The following SLC5A11 variants were observed in gnomAD, a reference collection of about 807,000 sequenced individuals.
SLC5A11 encodes sodium/myo-inositol cotransporter 2.
SLC5A11 carries 48 observed loss-of-function variants against 69.8 expected under a neutral mutation model. That is an observed-to-expected ratio of 0.69 (90% CI 0.55 to 0.87). SLC5A11 has a LOEUF of 0.87. Ranked by LOEUF, SLC5A11 falls within the 40% of genes least tolerant of loss-of-function variation. SLC5A11 has a pLI of 0.00. For synonymous variants in SLC5A11, 319 were observed against 342.4 expected, an observed-to-expected ratio of 0.93 and a Z score of 0.75; for missense variants, 784 against 866.1, an observed-to-expected ratio of 0.91 and a Z score of 1.19.
intron 1 of SLC5A11, among the ~76,000 whole-genome samples, chr16:24,848,158 C>T (rs748084426): frequency 1.1e-4 from 17 of 152,100 alleles, no homozygotes; most frequent in Non-Finnish European, 1.6e-4. Context: ...ACCCTGAGGC[C>T]AGAAATCGTG....
intron 14 of SLC5A11, among the ~76,000 whole-genome samples, chr16:24,909,829 TAAAAAAA>T (rs3050359): frequency 8.1e-4 from 84 of 103,926 alleles, no homozygotes; most frequent in Middle Eastern, 5.8e-3. Flanking sequence ...AGCCTGTCTT[TAAAAAAA>T]AAAAAAAAAA....
intron 1 of SLC5A11, among the ~76,000 whole-genome samples, chr16:24,850,073 G>GC (rs1453251386): frequency 6.6e-6 from 1 of 151,874 alleles, no homozygotes; most frequent in Non-Finnish European, 1.5e-5. Flanking sequence ...AAATAGCCAG[G>GC]CCCACAGACA....
At chr16:24,873,012 T>C (rs142731786) in intron 5 of SLC5A11, among the ~76,000 whole-genome samples, 1 of 2,944 alleles carries the variant, frequency 3.4e-4, no homozygotes. Flanking sequence ...TGGTGGCAGG[T>C]GCCTGTAGTC....
chr16:24,909,643 C>CA (rs35334841), intron 14 of SLC5A11, among the ~76,000 whole-genome samples: 16,788 of 49,088 alleles, frequency 0.34, 2,847 homozygotes, highest in Non-Finnish European at 0.4. Context: ...CCCTGTCTCA[C>CA]AAAAAAAAAA....
chr16:24,860,721 G>T (rs73553413), intron 2 of SLC5A11, among the ~76,000 whole-genome samples: 67,152 of 151,140 alleles, frequency 0.44, 16,889 homozygotes, highest in African/African-American at 0.69. Flanking sequence ...TTTGTTTTTT[G>T]TTTTGAGACG....
At chr16:24,909,209 C>A in intron 14 of SLC5A11, 113 bp downstream of exon 15, 1 of 1,137,678 alleles carries the variant, frequency 8.8e-7, no homozygotes, top group Non-Finnish European at 1.3e-6. Flanking sequence ...CTGAAAAGTC[C>A]AGGGTTGAGG....
intron 6 of SLC5A11, among the ~76,000 whole-genome samples, chr16:24,876,159 G>A (rs1357687022): frequency 1.3e-5 from 2 of 150,532 alleles, no homozygotes; most frequent in African/African-American, 4.9e-5. Flanking sequence ...TCATGCCACT[G>A]TACTGCAGCC....
chr16:24,869,427 GA>G (rs1191038703), intron 3 of SLC5A11, among the ~76,000 whole-genome samples: 1 of 152,178 alleles, frequency 6.6e-6, no homozygotes, highest in African/African-American at 2.4e-5. Context: ...GGAGACCAGG[GA>G]TTGGCATCAG....
At chr16:24,847,636 A>T (rs535371872) in intron 1 of SLC5A11, among the ~76,000 whole-genome samples, 1 of 152,292 alleles carries the variant, frequency 6.6e-6, no homozygotes, top group East Asian at 1.9e-4. Flanking sequence ...GATTACAGGC[A>T]TGAGCCACTG....
intron 8 of SLC5A11, among the ~76,000 whole-genome samples, chr16:24,889,584 G>A (rs184026194): frequency 3.6e-5 from 4 of 111,622 alleles, no homozygotes; most frequent in Admixed American, 2.9e-4. Flanking sequence ...ATGGAGTCTC[G>A]CTCTGTCACG....
At chr16:24,861,129 GTTC>G (rs1450649148) in intron 2 of SLC5A11, among the ~76,000 whole-genome samples, 1 of 151,838 alleles carries the variant, frequency 6.6e-6, no homozygotes, top group Non-Finnish European at 1.5e-5. Flanking sequence ...TTTCTATTAG[GTTC>G]TTCTTCTTTT....
intron 1 of SLC5A11, among the ~76,000 whole-genome samples, chr16:24,849,593 A>AAAAAAATAT: frequency 2.8e-5 from 1 of 35,910 alleles, no homozygotes; most frequent in African/African-American, 9.2e-5. Context: ...AAAAAAAAAA[A>AAAAAAATAT]ATATATATAT....
chr16:24,875,442 A>G (rs2047605246), intron 5 of SLC5A11, among the ~76,000 whole-genome samples, 185 bp from the exon 7 acceptor site: 1 of 152,172 alleles, frequency 6.6e-6, no homozygotes, highest in Non-Finnish European at 1.5e-5. Flanking sequence ...TTAGTCTCCC[A>G]AAGTGATGGG....
At chr16:24,898,104 T>A in exon 10 of SLC5A11, 1 of 1,613,966 alleles carries the variant, frequency 6.2e-7, no homozygotes, top group Admixed American at 1.7e-5. Context: ...CGCATCCTCT[T>A]CCCAGGTGAG....
intron 8 of SLC5A11, among the ~76,000 whole-genome samples, chr16:24,889,728 A>G (rs146986963): frequency 2.6e-5 from 4 of 151,576 alleles, no homozygotes; most frequent in Non-Finnish European, 5.9e-5. Flanking sequence ...TTGTATTTTT[A>G]GTAGAGACAG....
intron 6 of SLC5A11, among the ~76,000 whole-genome samples, chr16:24,876,213 A>G (rs2047663347): frequency 6.6e-6 from 1 of 151,844 alleles, no homozygotes; most frequent in South Asian, 2.1e-4. Flanking sequence ...AGAAAAAAAA[A>G]AAAAAGAAGA....
chr16:24,909,772 T>G (rs1296659962), intron 14 of SLC5A11, among the ~76,000 whole-genome samples: 1 of 136,958 alleles, frequency 7.3e-6, no homozygotes, highest in Non-Finnish European at 1.5e-5. Flanking sequence ...AAGGCTGCAG[T>G]GAGCTATGAC....
Position 24,884,140 on chromosome 16 carries a change from G to C in SLC5A11, c.664+9G>C. ...CACCTTGATGGGCTACAGTAAGTGGGGTCCCCGGGTCACTGGGGCGGACAA... is the reference window on the plus strand; with the variant it reads ...CACCTTGATGGGCTACAGTAAGTGGCGTCCCCGGGTCACTGGGGCGGACAA... On this transcript the variant is annotated intron_variant, in intron 8 of 15. Transcript: ENST00000347898. The C allele has an allele frequency of 1.2e-6, 2 of 1,613,764 alleles. No homozygotes were observed. The highest frequency in any genetic ancestry group is 1.7e-6 in the Non-Finnish European group (2 of 1,179,760).
chr16:24,885,652 G>C (rs1337631583), intron 8 of SLC5A11, among the ~76,000 whole-genome samples: 1 of 45,042 alleles, frequency 2.2e-5, no homozygotes, highest in Admixed American at 4.2e-4. Context: ...GTGAGACCCT[G>C]TCTCAAAAAA....
Sources: gnomAD v4.1 joint callset for allele counts (sites outside exome capture counted in the v4.1 genomes callset) on GRCh38, gnomAD v4.1.1 for gene constraint, MANE v1.5 for transcripts, NCBI Gene and HGNC (gene_info 2026-07-23, HGNC 2026-07-21) for gene names.